The following KCNJ6 variants were observed in gnomAD, a reference collection of about 807,000 sequenced individuals.
The protein encoded by KCNJ6 is G protein-activated inward rectifier potassium channel 2.
Under a neutral mutation model 34.2 loss-of-function variants are expected in KCNJ6, and 9 were observed. The observed-to-expected ratio is 0.26, with a 90% CI of 0.16 to 0.46. The LOEUF (loss-of-function observed/expected upper bound fraction) is 0.46, where lower values mean the gene tolerates loss of function less well. Among genes scored for constraint, KCNJ6 ranks in the 20% least tolerant of loss-of-function variants. The probability of loss-of-function intolerance (pLI) is 1.00; values close to 1 mark genes in which losing one functional copy is unlikely to be tolerated. For synonymous variants in KCNJ6, 196 were observed against 207.1 expected (o/e 0.95, Z 0.46); for missense variants, 236 against 531.3 (o/e 0.44, Z 5.46).
rs187321139 is a variant in KCNJ6 at position 37,815,123 on chromosome 21, G to A, written c.25+25535C>T. Among the ~76,000 whole-genome samples the A allele has an allele frequency of 8.3e-4, 126 of 152,142 alleles. 1 individual carries two copies. Among genetic ancestry groups the A allele is most frequent in the African/African-American group, 2.6e-3 (109 of 41,502 alleles). On this transcript the variant is annotated intron_variant, in intron 2 of 3. Coordinates refer to ENST00000609713, the MANE Select transcript of KCNJ6 (RefSeq NM_002240.5). ...TGCTTACCAGAGACTGGGGAGGGTA[G>A]TGGGAGGCTGGGGGGAGATGGGGAT...
intron 2 of KCNJ6, among the ~76,000 whole-genome samples, chr21:37,765,423 G>C (rs1443977895): frequency 6.6e-6 from 1 of 152,208 alleles, no homozygotes; most frequent in African/African-American, 2.4e-5. Flanking sequence ...AGGCGCCTTT[G>C]ACAGTCACAG....
chr21:37,730,550 G>A (rs898611444), intron 2 of KCNJ6, among the ~76,000 whole-genome samples: 6 of 152,196 alleles, frequency 3.9e-5, no homozygotes, highest in Admixed American at 6.5e-5. Context: ...TGTCTGGGTC[G>A]AAGAAGGTAC....
At chr21:37,683,434 A>G (rs1350315382) in intron 3 of KCNJ6, among the ~76,000 whole-genome samples, 1 of 152,136 alleles carries the variant, frequency 6.6e-6, no homozygotes, top group African/African-American at 2.4e-5. Context: ...TGGAGTGATC[A>G]TCTTGTTCCT....
Position 37,617,098 on chromosome 21 carries a change from T to TCTA in KCNJ6, c.*8060_*8061insTAG, listed in dbSNP as rs2054273785. The TCTA allele has an allele frequency of 1.5e-5, 2 of 135,378 alleles. No individual in the cohort carries two copies. The highest frequency in any genetic ancestry group is 7.6e-5 in the Admixed American group (1 of 13,130). 8.4% of individuals were successfully genotyped at this position (135,378 alleles called of 1,614,324 possible). A position where few individuals can be genotyped will look rare whatever the true frequency, so the allele number is the denominator to read the frequency against. On this transcript the variant is annotated 3_prime_UTR_variant, in exon 4 of 4. Transcript: ENST00000609713. ...TTTTCTTTCTTTTTCTTTCTTTCTT[T>TCTA]TCTTTCTTTCTTTCCTTCTTCCTTC...
Position 37,608,119 on chromosome 21 carries a change from C to G in KCNJ6, c.*17040G>C, listed in dbSNP as rs1409564646. The G allele has an allele frequency of 1.3e-5, 2 of 152,168 alleles. No homozygotes were observed. The highest frequency in any genetic ancestry group is 4.8e-5 in the African/African-American group (2 of 41,442). The allele number at this position is 152,168 out of a possible 1,614,324, so 9.4% of individuals were successfully genotyped here. A position where few individuals can be genotyped will look rare whatever the true frequency, so the allele number is the denominator to read the frequency against. On this transcript the variant is annotated 3_prime_UTR_variant, in exon 4 of 4. Transcript: ENST00000609713. ...GGGTTTATCAATAATACTGTTCATG[C>G]TATTCGTTTCTTAGTCCTTGTCCTT... is the stretch of plus-strand genomic sequence containing the variant.
At chr21:37,773,011 A>G (rs2055124555) in intron 2 of KCNJ6, among the ~76,000 whole-genome samples, 1 of 152,188 alleles carries the variant, frequency 6.6e-6, no homozygotes, top group African/African-American at 2.4e-5. Context: ...GGGGAGATCT[A>G]TCTTTTTCTA....
At chr21:37,731,709 CTG>C (rs1184862670) in intron 2 of KCNJ6, among the ~76,000 whole-genome samples, 1 of 152,152 alleles carries the variant, frequency 6.6e-6, no homozygotes, top group African/African-American at 2.4e-5. Flanking sequence ...GACAGATGGG[CTG>C]TCTCAGAGGA....
chr21:37,843,753 A>C (rs1317483272), intron 1 of KCNJ6, among the ~76,000 whole-genome samples: 1 of 152,102 alleles, frequency 6.6e-6, no homozygotes, highest in East Asian at 1.9e-4. Flanking sequence ...GAAGAGTGTG[A>C]TGTGCCAGGA....
chr21:37,640,754 C>T (rs982537973), intron 3 of KCNJ6, among the ~76,000 whole-genome samples: 1 of 152,030 alleles, frequency 6.6e-6, no homozygotes, highest in Non-Finnish European at 1.5e-5. Context: ...TTTCATTGTC[C>T]CTCATTATTC....
chr21:37,650,453 C>T (rs949785408), intron 3 of KCNJ6, among the ~76,000 whole-genome samples: 1 of 152,136 alleles, frequency 6.6e-6, no homozygotes, highest in Non-Finnish European at 1.5e-5. Flanking sequence ...GTGTGTAGTG[C>T]GTTATAACTG....
chr21:37,811,729 C>T (rs2123543239), intron 2 of KCNJ6, among the ~76,000 whole-genome samples: 1 of 152,130 alleles, frequency 6.6e-6, no homozygotes, highest in Middle Eastern at 3.4e-3. Context: ...ACATAACTAC[C>T]AAGCTCTAGA....
intron 2 of KCNJ6, among the ~76,000 whole-genome samples, chr21:37,823,609 T>A (rs2055384545): frequency 6.6e-6 from 1 of 152,222 alleles, no homozygotes; most frequent in South Asian, 2.1e-4. Flanking sequence ...ACACTCTCAC[T>A]CTTTCTCTCC....
intron 3 of KCNJ6, among the ~76,000 whole-genome samples, chr21:37,649,652 C>A (rs2123386039): frequency 6.6e-6 from 1 of 152,318 alleles, no homozygotes; most frequent in South Asian, 2.1e-4. Context: ...CCAGATGAAC[C>A]AGCCTGGGTT....
chr21:37,779,607 G>C lies in KCNJ6; in HGVS notation c.25+61051C>G, dbSNP rs182711190. Among the ~76,000 whole-genome samples the C allele has an allele frequency of 1.3e-3, 204 of 152,266 alleles. 2 individuals carry two copies. The Middle Eastern group carries it at 0.02, about 15-fold the overall frequency. On this transcript the variant is annotated intron_variant, in intron 2 of 3. Transcript: ENST00000609713. ...CTGTCAGATAGGGAGTATGACTGAA[G>C]AAAAGCCACTTGGGGAACCTGAGGG...
At chr21:37,874,843 C>T (rs895142398) in intron 1 of KCNJ6, among the ~76,000 whole-genome samples, 1 of 152,216 alleles carries the variant, frequency 6.6e-6, no homozygotes, top group Non-Finnish European at 1.5e-5. Flanking sequence ...CACGGCTCCA[C>T]CTCCACCACT....
At chr21:37,691,237 C>T (rs918442784) in intron 3 of KCNJ6, among the ~76,000 whole-genome samples, 1 of 152,214 alleles carries the variant, frequency 6.6e-6, no homozygotes, top group African/African-American at 2.4e-5. Context: ...GCTAGGACAA[C>T]AATTTCCTGG....
In KCNJ6 at chr21:37,628,495, A is replaced by C. The variant is rs539024736; in HGVS notation, c.947-3011T>G. Reference sequence around the variant, plus strand: ...GTCAGTTGAAATTATTGAGGTATAGAAAGAAAAAAGAATGGAGAAAAATGA... The same window carrying C: ...GTCAGTTGAAATTATTGAGGTATAGCAAGAAAAAAGAATGGAGAAAAATGA... On this transcript the variant is annotated intron_variant, in intron 3 of 3. Coordinates refer to ENST00000609713, the MANE Select transcript of KCNJ6 (RefSeq NM_002240.5). 2.6e-5 allele frequency among the ~76,000 whole-genome samples: 4 copies of C among 152,310 alleles called. No individual in the cohort carries two copies. The South Asian group carries it at 8.3e-4, about 32-fold the overall frequency.
chr21:37,803,716 A>G (rs2055280444), intron 2 of KCNJ6, among the ~76,000 whole-genome samples: 1 of 152,148 alleles, frequency 6.6e-6, no homozygotes. Flanking sequence ...GTGCTGTCCT[A>G]TTTGCTTCAA....
chr21:37,762,906 G>A (rs2055072932), intron 2 of KCNJ6, among the ~76,000 whole-genome samples: 1 of 152,176 alleles, frequency 6.6e-6, no homozygotes, highest in South Asian at 2.1e-4. Flanking sequence ...GCAGCCCGGG[G>A]GTAAGAATCA....
Sources: allele counts gnomAD v4.1 joint callset (sites outside exome capture counted in the v4.1 genomes callset), GRCh38; gene constraint gnomAD v4.1.1; transcripts MANE v1.5; gene names NCBI Gene and HGNC (gene_info 2026-07-23, HGNC 2026-07-21).